The following NAALADL2 variants were observed in gnomAD, a reference collection of about 807,000 sequenced individuals.
NAALADL2 encodes N-acetylated alpha-linked acidic dipeptidase like 2.
In NAALADL2, 76 loss-of-function variants were observed where a neutral mutation model predicts 87.2. The observed-to-expected ratio is 0.87, with a 90% CI of 0.72 to 1.05. The LOEUF (loss-of-function observed/expected upper bound fraction) is 1.05, where lower values mean the gene tolerates loss of function less well. NAALADL2 is among the 50% of genes least tolerant of loss of function. The pLI is 0.00. For missense variants in NAALADL2, 1,089 were observed against 945.8 expected, an observed-to-expected ratio of 1.15 and a Z score of -1.99; for synonymous variants, 354 against 331.0, an observed-to-expected ratio of 1.07 and a Z score of -0.75.
chr3:175,513,927 A>G (rs891067474), intron 9 of NAALADL2, among the ~76,000 whole-genome samples: 2 of 152,238 alleles, frequency 1.3e-5, no homozygotes, highest in Non-Finnish European at 2.9e-5. Context: ...CAAAAATGTA[A>G]ATATGGGAGA....
chr3:175,682,248 T>C (rs892564678), intron 11 of NAALADL2, among the ~76,000 whole-genome samples: 1 of 152,072 alleles, frequency 6.6e-6, no homozygotes, highest in Admixed American at 6.5e-5. Flanking sequence ...ATAAATTCTA[T>C]GTAGAAAAAA....
intron 4 of NAALADL2, among the ~76,000 whole-genome samples, chr3:175,271,988 T>C (rs1293232943): frequency 6.6e-6 from 1 of 152,174 alleles, no homozygotes; most frequent in Non-Finnish European, 1.5e-5. Context: ...CTTTTAAAAT[T>C]AATTAGGTAT....
rs373038500 is a variant in NAALADL2, at chr3:174,584,384, T to A, written c.-115+33747T>A. ...TTTAAAGATTAAGTATGTGTACACTTCAACCTTCTACAAGTGAAATCCCAG... is the reference window on the plus strand; with the variant it reads ...TTTAAAGATTAAGTATGTGTACACTACAACCTTCTACAAGTGAAATCCCAG... On this transcript the variant is annotated intron_variant, in intron 2 of 3. Transcript: ENST00000434257. Among the ~76,000 whole-genome samples the A allele has an allele frequency of 5.3e-5, 8 of 152,190 alleles. No homozygotes were observed. The East Asian group carries it at 9.6e-4, about 18-fold the overall frequency.
intron 2 of NAALADL2, among the ~76,000 whole-genome samples, chr3:174,574,748 T>G (rs1050330620): frequency 2.0e-5 from 3 of 152,174 alleles, no homozygotes; most frequent in Non-Finnish European, 2.9e-5. Flanking sequence ...TCATTTGGTC[T>G]CTTCTAGAAT....
At chr3:175,702,249 C>T (rs185707294) in intron 11 of NAALADL2, among the ~76,000 whole-genome samples, 111 of 152,160 alleles carry the variant, frequency 7.3e-4, no homozygotes, top group Non-Finnish European at 1.2e-3. Flanking sequence ...CGTCACAATG[C>T]ACTAAGAAAG....
At chr3:175,591,325 A>T (rs1721419487) in intron 10 of NAALADL2, among the ~76,000 whole-genome samples, 1 of 152,228 alleles carries the variant, frequency 6.6e-6, no homozygotes, top group Non-Finnish European at 1.5e-5. Context: ...TAAAAGAAAT[A>T]TCAGTCACAT....
chr3:175,767,345 T>C (rs1180441149), intron 13 of NAALADL2, among the ~76,000 whole-genome samples: 2 of 152,176 alleles, frequency 1.3e-5, no homozygotes, highest in African/African-American at 2.4e-5. Context: ...AATACATGAT[T>C]TAATGTGCAA....
intron 1 of NAALADL2, among the ~76,000 whole-genome samples, chr3:174,881,007 G>C (rs561740223): frequency 6.6e-6 from 1 of 151,962 alleles, no homozygotes; most frequent in South Asian, 2.1e-4. Flanking sequence ...TTTTTATCTG[G>C]GTCTTAACTC....
chr3:175,289,330 A>G lies in NAALADL2; in HGVS notation c.939+32800A>G, dbSNP rs183844823. ...ACCGCCATCTGATTTTAAGACTTCT[A>G]TAGAGCTGCAGTGTAGTACTAGTAT... On this transcript the variant is annotated intron_variant, in intron 4 of 13. Coordinates refer to ENST00000454872, the MANE Select transcript of NAALADL2 (RefSeq NM_207015.3). 2.1e-3 allele frequency among the ~76,000 whole-genome samples: 320 copies of G among 152,280 alleles called. 1 individual carries two copies. The highest frequency in any genetic ancestry group is 3.5e-3 in the Non-Finnish European group (239 of 68,020).
intron 9 of NAALADL2, among the ~76,000 whole-genome samples, chr3:175,483,410 T>G (rs1310771603): frequency 1.3e-5 from 2 of 151,826 alleles, no homozygotes; most frequent in African/African-American, 4.8e-5. Flanking sequence ...TAATATTTTT[T>G]TCTTATTTTT....
chr3:175,611,824 G>A (rs1024508661), intron 10 of NAALADL2, among the ~76,000 whole-genome samples: 1 of 152,104 alleles, frequency 6.6e-6, no homozygotes, highest in African/African-American at 2.4e-5. Context: ...GACAAACTAA[G>A]CCATACATGT....
intron 2 of NAALADL2, among the ~76,000 whole-genome samples, chr3:174,574,836 A>C (rs978061808): frequency 2.0e-5 from 3 of 152,084 alleles, no homozygotes; most frequent in Admixed American, 1.3e-4. Flanking sequence ...TTTATCTATG[A>C]TGTTGCTTGT....
At chr3:175,645,334 T>G (rs902686036) in intron 11 of NAALADL2, among the ~76,000 whole-genome samples, 1 of 152,090 alleles carries the variant, frequency 6.6e-6, no homozygotes, top group Non-Finnish European at 1.5e-5. Context: ...GATAATATGG[T>G]AGTAAACAAA....
At chr3:175,725,934 TGAA>T (rs1004945502) in intron 11 of NAALADL2, among the ~76,000 whole-genome samples, 2 of 152,162 alleles carry the variant, frequency 1.3e-5, no homozygotes, top group Admixed American at 6.6e-5. Context: ...TGAAATATAA[TGAA>T]GATTCTTAAT....
In NAALADL2 at chr3:175,095,261, G is replaced by A. The variant is rs139259380; in HGVS notation, c.44-1529G>A. 5.2e-3 allele frequency among the ~76,000 whole-genome samples: 786 copies of A among 151,954 alleles called. 7 individuals are homozygous for A. The highest frequency in any genetic ancestry group is 0.018 in the African/African-American group (741 of 41,478). ...TCACTTTTTTGTATAATTATTTCTCGTATTTTCTGCTAGAATCAATCACCC... is the reference window on the plus strand; with the variant it reads ...TCACTTTTTTGTATAATTATTTCTCATATTTTCTGCTAGAATCAATCACCC... On this transcript the variant is annotated intron_variant, in intron 1 of 13. Transcript: ENST00000454872.
Position 175,809,972 on chromosome 3 carries a change from T to C in NAALADL2, c.*6769T>C, listed in dbSNP as rs1755043533. 6.6e-6 allele frequency: 1 copy of C among 152,002 alleles called. No individual in the cohort carries two copies. The allele number at this position is 152,002 out of a possible 1,614,324, so 9.4% of individuals were successfully genotyped here. On this transcript the variant is annotated 3_prime_UTR_variant, in exon 14 of 14. Coordinates refer to ENST00000454872, the MANE Select transcript of NAALADL2 (RefSeq NM_207015.3). The stretch of plus-strand genomic sequence containing the variant: ...AATTTGCTTTGATTAAAAACACATA[T>C]CTCTCAAGAGGTGTCCCAATTACTA...
At chr3:174,918,283 A>T (rs557900654) in intron 1 of NAALADL2, among the ~76,000 whole-genome samples, 2 of 152,294 alleles carry the variant, frequency 1.3e-5, no homozygotes, top group East Asian at 3.9e-4. Context: ...AGTGCATACT[A>T]TAAAAAAATA....
At chr3:174,642,144 T>C (rs1723259132) in intron 2 of NAALADL2, among the ~76,000 whole-genome samples, 1 of 152,116 alleles carries the variant, frequency 6.6e-6, no homozygotes, top group African/African-American at 2.4e-5. Flanking sequence ...TAAAGACTGG[T>C]ATTACATTCT....
chr3:175,242,156 G>A (rs960101190), intron 3 of NAALADL2, among the ~76,000 whole-genome samples: 6 of 152,014 alleles, frequency 3.9e-5, no homozygotes, highest in Admixed American at 1.3e-4. Context: ...CACCGCGCCC[G>A]GCCCTGGATG....
Sources: allele counts gnomAD v4.1 joint callset (sites outside exome capture counted in the v4.1 genomes callset), GRCh38; gene constraint gnomAD v4.1.1; transcripts MANE v1.5; gene names NCBI Gene and HGNC (gene_info 2026-07-23, HGNC 2026-07-21).